Variants in CDH18 observed in about 807,000 individuals in gnomAD.
CDH18 encodes cadherin 18.
In CDH18, 31 loss-of-function variants were observed where a neutral mutation model predicts 67.9. The observed-to-expected ratio is 0.46, with a 90% CI of 0.34 to 0.62. CDH18 has a LOEUF of 0.62. Ranked by LOEUF, CDH18 falls within the 20% of genes least tolerant of loss-of-function variation. The pLI, the probability that CDH18 is intolerant of heterozygous loss-of-function variation, is 0.01. For synonymous variants in CDH18, 362 were observed against 347.2 expected (o/e 1.04, Z -0.48); for missense variants, 890 against 975.5 (o/e 0.91, Z 1.17).
intron 5 of CDH18, among the ~76,000 whole-genome samples, chr5:19,614,302 T>C (rs1445304170): frequency 6.6e-6 from 1 of 151,728 alleles, no homozygotes. Context: ...TCACATATTG[T>C]GAACATATAA....
intron 5 of CDH18, among the ~76,000 whole-genome samples, chr5:19,681,221 C>T (rs13170225): frequency 0.56 from 84,571 of 151,610 alleles, 26,654 homozygotes; most frequent in East Asian, 0.74. Context: ...GGGGTACACA[C>T]GAACACATGA....
intron 1 of CDH18, among the ~76,000 whole-genome samples, chr5:20,572,576 A>G (rs1758876405): frequency 1.3e-5 from 2 of 152,140 alleles, no homozygotes; most frequent in African/African-American, 4.8e-5. Context: ...TTGATCTTAA[A>G]TGTTTCTTTG....
At chr5:19,774,447 T>TAAAATAAAATAAAATAAAATA (rs370475987) in intron 3 of CDH18, among the ~76,000 whole-genome samples, 141 of 145,016 alleles carry the variant, frequency 9.7e-4, no homozygotes, top group Middle Eastern at 3.5e-3. Flanking sequence ...TAAAATAAAA[T>TAAAATAAAATAAAATAAAATA]AAATAAATAA....
At chr5:20,056,680 CTT>C (rs397758122) in intron 2 of CDH18, among the ~76,000 whole-genome samples, 2 of 70,022 alleles carry the variant, frequency 2.9e-5, no homozygotes, top group Admixed American at 2.1e-4. Flanking sequence ...TCTATATTCT[CTT>C]TTTTTTTTTT....
At chr5:19,513,786 T>A (rs1044521147) in intron 10 of CDH18, among the ~76,000 whole-genome samples, 2 of 152,136 alleles carry the variant, frequency 1.3e-5, no homozygotes, top group African/African-American at 4.8e-5. Context: ...TGTTTTTTCA[T>A]TTAAGTTTGT....
At chr5:19,862,497 A>T (rs76397373) in intron 2 of CDH18, among the ~76,000 whole-genome samples, 3,812 of 152,266 alleles carry the variant, frequency 0.025, 95 homozygotes, top group Middle Eastern at 0.058. Flanking sequence ...ATACTATCCC[A>T]CCAGAGGTAA....
chr5:20,410,964 A>G (rs1382009429), intron 1 of CDH18, among the ~76,000 whole-genome samples: 1 of 151,976 alleles, frequency 6.6e-6, no homozygotes, highest in Non-Finnish European at 1.5e-5. Flanking sequence ...AAGATGACAC[A>G]AACAAGTGAG....
intron 4 of CDH18, among the ~76,000 whole-genome samples, chr5:19,725,693 C>G (rs530062514): frequency 6.6e-6 from 1 of 152,076 alleles, no homozygotes; most frequent in Non-Finnish European, 1.5e-5. Flanking sequence ...CACTTGAACC[C>G]GGGAGGCAGA....
chr5:19,563,331 T>G (rs80197965), intron 8 of CDH18, among the ~76,000 whole-genome samples: 2,816 of 152,322 alleles, frequency 0.018, 75 homozygotes, highest in African/African-American at 0.065. Context: ...AGTTTCTTCA[T>G]CTATAGAATG....
intron 1 of CDH18, among the ~76,000 whole-genome samples, chr5:20,470,405 C>T (rs1751963166): frequency 1.3e-5 from 2 of 152,130 alleles, no homozygotes; most frequent in African/African-American, 4.8e-5. Context: ...ATTTTAAATC[C>T]TCTTTAATCT....
intron 9 of CDH18, among the ~76,000 whole-genome samples, chr5:19,521,881 AAG>A (rs1746957890): frequency 6.6e-6 from 1 of 152,098 alleles, no homozygotes; most frequent in East Asian, 1.9e-4. Flanking sequence ...AAATATAAGA[AAG>A]AGGAAATATT....
At chr5:20,465,281 G>GA (rs1751559373) in intron 1 of CDH18, among the ~76,000 whole-genome samples, 1 of 151,942 alleles carries the variant, frequency 6.6e-6, no homozygotes, top group Non-Finnish European at 1.5e-5. Flanking sequence ...AAGGAGTACA[G>GA]TAAAAATTCA....
At chr5:20,328,473 TTGTGTGTGTGTG>T (rs70954646) in intron 1 of CDH18, among the ~76,000 whole-genome samples, 43 of 141,344 alleles carry the variant, frequency 3.0e-4, no homozygotes, top group Non-Finnish European at 4.3e-4. Context: ...GAGAAGCCAT[TTGTGTGTGTGTG>T]TGTGTGTGTG....
At chr5:19,738,946 A>C (rs1288583268) in intron 4 of CDH18, among the ~76,000 whole-genome samples, 3 of 152,214 alleles carry the variant, frequency 2.0e-5, no homozygotes, top group African/African-American at 7.2e-5. Flanking sequence ...AATCACTTGA[A>C]GAGTAAAATG....
intron 3 of CDH18, among the ~76,000 whole-genome samples, chr5:19,792,337 G>C (rs551221363): frequency 6.6e-6 from 1 of 152,068 alleles, no homozygotes; most frequent in Non-Finnish European, 1.5e-5. Context: ...GAGCCTTCAG[G>C]CTTCGTAACT....
chr5:19,644,020 CCTT>C (rs1020955375), intron 5 of CDH18, among the ~76,000 whole-genome samples: 155 of 152,284 alleles, frequency 1.0e-3, no homozygotes, highest in African/African-American at 3.2e-3. Context: ...TAGTGCCTCT[CCTT>C]CTCACTTCAC....
chr5:20,503,847 G>C (rs1007534482), intron 1 of CDH18, among the ~76,000 whole-genome samples: 4 of 152,110 alleles, frequency 2.6e-5, no homozygotes, highest in Non-Finnish European at 4.4e-5. Flanking sequence ...AGACCAGCCT[G>C]GGCAACAGGG....
chr5:20,376,090 A>AGTTTTTTTTTT (rs1562014136), intron 1 of CDH18, among the ~76,000 whole-genome samples: 1 of 16,880 alleles, frequency 5.9e-5, no homozygotes, highest in African/African-American at 1.4e-4. Flanking sequence ...AAAAAGAAAC[A>AGTTTTTTTTTT]ATTTTTTTTT....
intron 2 of CDH18, among the ~76,000 whole-genome samples, chr5:19,880,355 G>A (rs1456906490): frequency 1.3e-5 from 2 of 151,938 alleles, no homozygotes; most frequent in African/African-American, 2.4e-5. Context: ...CATATACAGA[G>A]GTGAATGCAA....
Sources: gnomAD v4.1 joint callset for allele counts (sites outside exome capture counted in the v4.1 genomes callset) on GRCh38, gnomAD v4.1.1 for gene constraint, MANE v1.5 for transcripts, NCBI Gene and HGNC (gene_info 2026-07-23, HGNC 2026-07-21) for gene names.